ITPR2: variants seen among roughly 807,000 people sequenced by gnomAD.
ITPR2 encodes inositol 1,4,5-trisphosphate-gated calcium channel ITPR2.
A neutral mutation model predicts 317.1 loss-of-function variants in ITPR2; 207 were observed. The observed-to-expected ratio is 0.65, with a 90% confidence interval of 0.58 to 0.73. The LOEUF (loss-of-function observed/expected upper bound fraction) is 0.73, where lower values mean the gene tolerates loss of function less well. ITPR2 is among the 30% of genes least tolerant of loss of function. ITPR2 has a pLI of 0.00. For missense variants in ITPR2, 2,613 were observed against 3,284.0 expected (o/e 0.80, Z 4.99); for synonymous variants, 1,156 against 1,149.1 (o/e 1.01, Z -0.12).
chr12:26,779,914 A>T (rs1426199575), intron 2 of ITPR2, among the ~76,000 whole-genome samples: 1 of 152,192 alleles, frequency 6.6e-6, no homozygotes, highest in African/African-American at 2.4e-5. Flanking sequence ...AGGTATGTAG[A>T]CGGGCCTCTC....
At chr12:26,344,871 C>T (rs1334880895) in intron 55 of ITPR2, among the ~76,000 whole-genome samples, 1 of 152,182 alleles carries the variant, frequency 6.6e-6, no homozygotes, top group African/African-American at 2.4e-5. Context: ...GCTACACAGT[C>T]CTGTCATCTT....
chr12:26,468,215 T>C (rs1274142297), intron 45 of ITPR2, among the ~76,000 whole-genome samples: 3 of 106,946 alleles, frequency 2.8e-5, no homozygotes, highest in South Asian at 3.3e-4. Flanking sequence ...CTAAGATGAA[T>C]TGTAACAACA....
At chr12:26,348,530 C>A (rs894088838) in intron 55 of ITPR2, among the ~76,000 whole-genome samples, 1 of 152,176 alleles carries the variant, frequency 6.6e-6, no homozygotes, top group African/African-American at 2.4e-5. Flanking sequence ...CACCTATATA[C>A]AACTACTGCT....
At chr12:26,343,766 T>C (rs908523716) in intron 55 of ITPR2, among the ~76,000 whole-genome samples, 2 of 151,922 alleles carry the variant, frequency 1.3e-5, no homozygotes, top group South Asian at 4.2e-4. Flanking sequence ...TGCATTTTTA[T>C]GGGAGGTTTG....
chr12:26,617,796 G>C (rs1368350063), intron 26 of ITPR2, among the ~76,000 whole-genome samples: 1 of 151,324 alleles, frequency 6.6e-6, no homozygotes, highest in Non-Finnish European at 1.5e-5. Context: ...AAGAGGAAAG[G>C]AAGGAGGGAA....
intron 30 of ITPR2, among the ~76,000 whole-genome samples, chr12:26,597,683 C>G (rs1228633587): frequency 6.6e-6 from 1 of 151,976 alleles, no homozygotes; most frequent in African/African-American, 2.4e-5. Context: ...AACCAAAAAA[C>G]CGAGAGAAAC....
At chr12:26,825,190 G>A (rs558738688) in intron 1 of ITPR2, among the ~76,000 whole-genome samples, 23 of 152,234 alleles carry the variant, frequency 1.5e-4, no homozygotes, top group African/African-American at 5.1e-4. Context: ...CCAAGATCAC[G>A]CCACTGCACT....
At chr12:26,808,832 C>T (rs1182845126) in intron 1 of ITPR2, among the ~76,000 whole-genome samples, 2 of 152,192 alleles carry the variant, frequency 1.3e-5, no homozygotes, top group African/African-American at 2.4e-5. Context: ...AACTCTAACA[C>T]AGAGGTGTGT....
chr12:26,723,607 T>C (rs895819587), intron 4 of ITPR2, among the ~76,000 whole-genome samples: 10 of 152,202 alleles, frequency 6.6e-5, no homozygotes, highest in African/African-American at 2.4e-4. Flanking sequence ...TTCAGGGAGC[T>C]GCCGACCCAG....
chr12:26,481,641 CAT>C (rs1359000325), intron 42 of ITPR2, among the ~76,000 whole-genome samples: 1 of 152,196 alleles, frequency 6.6e-6, no homozygotes, highest in African/African-American at 2.4e-5. Context: ...TTATGAAAGA[CAT>C]GTGTCCCTCA....
intron 21 of ITPR2, among the ~76,000 whole-genome samples, chr12:26,641,787 C>A (rs1484349830): frequency 1.3e-5 from 2 of 152,120 alleles, no homozygotes; most frequent in African/African-American, 4.8e-5. Flanking sequence ...GGAACATGAT[C>A]TAGTGTAGAG....
chr12:26,783,276 A>G (rs928229763), intron 2 of ITPR2, among the ~76,000 whole-genome samples: 2 of 152,228 alleles, frequency 1.3e-5, no homozygotes, highest in Non-Finnish European at 2.9e-5. Context: ...GGCATGGTAC[A>G]TTATGAAATA....
intron 8 of ITPR2, among the ~76,000 whole-genome samples, chr12:26,713,920 A>G (rs1270854604): frequency 6.6e-6 from 1 of 152,150 alleles, no homozygotes; most frequent in Non-Finnish European, 1.5e-5. Flanking sequence ...GAGGTGTTTC[A>G]TGCAGCCTCG....
intron 13 of ITPR2, among the ~76,000 whole-genome samples, chr12:26,675,502 C>A (rs560952509): frequency 1.7e-4 from 26 of 150,200 alleles, no homozygotes; most frequent in Middle Eastern, 3.4e-3. Context: ...ACAATAAGAA[C>A]ATATGTTCAC....
chr12:26,781,556 T>G (rs947455373), intron 2 of ITPR2, among the ~76,000 whole-genome samples: 1 of 152,166 alleles, frequency 6.6e-6, no homozygotes, highest in South Asian at 2.1e-4. Flanking sequence ...ATTATGACCT[T>G]ATTATTGTCT....
At chr12:26,615,215 T>C (rs946650865) in intron 26 of ITPR2, among the ~76,000 whole-genome samples, 1 of 152,170 alleles carries the variant, frequency 6.6e-6, no homozygotes, top group Admixed American at 6.5e-5. Flanking sequence ...CTCAAGTACA[T>C]CGGATCTCCG....
intron 21 of ITPR2, among the ~76,000 whole-genome samples, chr12:26,651,113 T>C (rs1296358778): frequency 6.6e-6 from 1 of 152,204 alleles, no homozygotes; most frequent in African/African-American, 2.4e-5. Context: ...AATTACACCA[T>C]GTAGATTCAG....
At chr12:26,446,574 A>G (rs895633965) in intron 45 of ITPR2, among the ~76,000 whole-genome samples, 32 of 152,102 alleles carry the variant, frequency 2.1e-4, no homozygotes, top group Admixed American at 1.1e-3. Flanking sequence ...TGACATAATT[A>G]ATAGTGAACA....
intron 36 of ITPR2, among the ~76,000 whole-genome samples, chr12:26,551,244 G>T (rs1311904423): frequency 2.6e-5 from 4 of 152,122 alleles, no homozygotes; most frequent in African/African-American, 7.2e-5. Flanking sequence ...CTGGTTAATG[G>T]CTACCAAGTG....
Sources: gnomAD v4.1 joint callset for allele counts (sites outside exome capture counted in the v4.1 genomes callset) on GRCh38, gnomAD v4.1.1 for gene constraint, MANE v1.5 for transcripts, NCBI Gene and HGNC (gene_info 2026-07-23, HGNC 2026-07-21) for gene names.